Variants in TGFB1 observed in about 807,000 individuals in gnomAD.
TGFB1 encodes the protein transforming growth factor beta 1, also known as transforming growth factor beta-1 proprotein.
In TGFB1, 19 loss-of-function variants were observed where a neutral mutation model predicts 43.8. That is an observed-to-expected ratio of 0.43 (90% CI 0.30 to 0.64). TGFB1 has a LOEUF of 0.64. Ranked by LOEUF, TGFB1 falls within the 30% of genes least tolerant of loss-of-function variation. The probability of loss-of-function intolerance (pLI) is 0.11; values close to 1 mark genes in which losing one functional copy is unlikely to be tolerated. For synonymous variants in TGFB1, 221 were observed against 236.3 expected (o/e 0.94, Z 0.60); for missense variants, 445 against 529.8 (o/e 0.84, Z 1.57).
At chr19:41,351,715 T>G (rs557808291) in intron 1 of TGFB1, among the ~76,000 whole-genome samples, 2 of 152,164 alleles carry the variant, frequency 1.3e-5, no homozygotes, top group South Asian at 2.1e-4. Flanking sequence ...CTTGGTTTTC[T>G]CACCTCGGTC....
chr19:41,352,355 A>AT (rs1024527845), intron 1 of TGFB1, among the ~76,000 whole-genome samples: 2 of 13,160 alleles, frequency 1.5e-4, no homozygotes, highest in African/African-American at 6.1e-4. Context: ...CCCCCCCCCC[A>AT]TTCAACGCGT....
At chr19:41,346,242 C>T (rs1006419055) in intron 2 of TGFB1, among the ~76,000 whole-genome samples, 7 of 152,060 alleles carry the variant, frequency 4.6e-5, no homozygotes, top group African/African-American at 7.2e-5. Flanking sequence ...CCCAGCTGCT[C>T]GGGTGGCTGA....
At chr19:41,335,226 G>T (rs942769187) in intron 5 of TGFB1, among the ~76,000 whole-genome samples, 2 of 152,006 alleles carry the variant, frequency 1.3e-5, no homozygotes, top group Middle Eastern at 3.4e-3. Flanking sequence ...CTAATTTTTT[G>T]TATTTTTAGT....
intron 3 of TGFB1, among the ~76,000 whole-genome samples, chr19:41,344,306 C>T (rs1267876381): frequency 1.3e-5 from 2 of 151,992 alleles, no homozygotes; most frequent in African/African-American, 4.8e-5. Flanking sequence ...TTACACCTCT[C>T]CTTTTCCTGA....
At chr19:41,331,345 C>A in intron 6 of TGFB1, 135 bp from the exon 7 acceptor site, 3 of 1,064,078 alleles carry the variant, frequency 2.8e-6, no homozygotes, top group Non-Finnish European at 3.9e-6. Flanking sequence ...TTCCCATCTC[C>A]AATTCGGTCT....
chr19:41,343,026 G>A (rs1173708919), intron 3 of TGFB1, among the ~76,000 whole-genome samples: 1 of 152,140 alleles, frequency 6.6e-6, no homozygotes. Flanking sequence ...TGTGTGCTTG[G>A]GACTCAGCAT....
rs149455461 is a variant in TGFB1, at chr19:41,352,823, G to C, written c.222C>G (p.Pro74=). Residue 74 remains proline (P), a synonymous_variant, in exon 1 of 7, where the codon CCC becomes CCG. Transcript: ENST00000221930. ...SQGEVPPGPL[P]EAVLALYNST... is the part of the protein sequence containing the mutation. Reference sequence around the variant, plus strand: ...TGTTGTACAGGGCGAGCACGGCCTCGGGCAGCGGGCCGGGCGGCACCTCCC... The same window carrying C: ...TGTTGTACAGGGCGAGCACGGCCTCCGGCAGCGGGCCGGGCGGCACCTCCC... 3 of 1,591,486 alleles carry C rather than the reference G, an allele frequency of 1.9e-6. No individual in the cohort carries two copies. Among genetic ancestry groups the C allele is most frequent in the Admixed American group, 1.8e-5 (1 of 56,052 alleles).
At chr19:41,332,718 A>ACT (rs2037947319) in intron 5 of TGFB1, among the ~76,000 whole-genome samples, 1 of 152,188 alleles carries the variant, frequency 6.6e-6, no homozygotes, top group Admixed American at 6.5e-5. Context: ...AACAGATAGA[A>ACT]ATAGGCTAGG....
rs958616062 is a variant in TGFB1 at position 41,338,199 on chromosome 19, AAAAC to A, written c.860+3680_860+3683del. ...ACAGCTAGACTCTGTCTCAAAAAAA[AAAAC>A]AAAGAATACGGCCGGGTGCGTGGCT... is the stretch of plus-strand genomic sequence containing the variant. On this transcript the variant is annotated intron_variant, in intron 5 of 6. Transcript: ENST00000221930. Among the ~76,000 whole-genome samples the A allele has an allele frequency of 5.9e-5, 9 of 151,458 alleles. No individual in the cohort carries two copies. In the South Asian group the frequency reaches 8.3e-4, roughly 14 times the overall value.
chr19:41,331,274 C>T, intron 6 of TGFB1, 64 bp from the exon 7 acceptor site: 1 of 1,433,318 alleles, frequency 7.0e-7, no homozygotes, highest in Non-Finnish European at 9.1e-7. Flanking sequence ...CCCTCCACTG[C>T]CCCATCCCCC....
intron 5 of TGFB1, among the ~76,000 whole-genome samples, chr19:41,338,603 C>T (rs540278921): frequency 6.6e-6 from 1 of 151,846 alleles, no homozygotes; most frequent in Admixed American, 6.6e-5. Context: ...CTTTGGGAGG[C>T]TGAGGTGGGC....
At chr19:41,333,665 C>G (rs937545069) in intron 5 of TGFB1, among the ~76,000 whole-genome samples, 4 of 152,176 alleles carry the variant, frequency 2.6e-5, no homozygotes, top group African/African-American at 9.7e-5. Flanking sequence ...GGCCCCTTCA[C>G]TTCATTTAAA....
At chr19:41,348,633 T>A (rs913902935) in intron 1 of TGFB1, among the ~76,000 whole-genome samples, 178 bp from the exon 2 acceptor site, 3 of 150,388 alleles carry the variant, frequency 2.0e-5, no homozygotes, top group Non-Finnish European at 4.4e-5. Flanking sequence ...GAATTTTTTT[T>A]TTTTTTTGAG....
rs530855569 is a variant in TGFB1 at position 41,350,777 on chromosome 19, T to G, written c.355+1913A>C. On this transcript the variant is annotated intron_variant, in intron 1 of 6. Coordinates refer to ENST00000221930, the MANE Select transcript of TGFB1 (RefSeq NM_000660.7). Reference sequence around the variant, plus strand: ...CCCCTACGGCCCCCTTCGATCCTCCTCCTCCTCCCCAGTCTCCCTCCCCAC... The same window carrying G: ...CCCCTACGGCCCCCTTCGATCCTCCGCCTCCTCCCCAGTCTCCCTCCCCAC... 7 of 152,336 alleles carry G rather than the reference T, an allele frequency of 4.6e-5. No homozygotes were observed. In the East Asian group the frequency reaches 1.2e-3, roughly 25 times the overall value. The allele number at this position is 152,336 out of a possible 1,614,324, so 9.4% of individuals were successfully genotyped here.
intron 2 of TGFB1, among the ~76,000 whole-genome samples, chr19:41,345,962 C>T (rs2038112081): frequency 1.3e-5 from 2 of 152,160 alleles, no homozygotes; most frequent in South Asian, 4.2e-4. Flanking sequence ...ATTTCCACTT[C>T]TAGAGCCTGA....
chr19:41,331,294 C>T (rs2037927794), intron 6 of TGFB1, 84 bp from the exon 7 acceptor site: 1 of 1,407,402 alleles, frequency 7.1e-7, no homozygotes, highest in Non-Finnish European at 9.3e-7. Flanking sequence ...CACCCGCTAC[C>T]GCGCCAGCCT....
At chr19:41,337,666 G>C (rs566297116) in intron 5 of TGFB1, among the ~76,000 whole-genome samples, 8 of 152,062 alleles carry the variant, frequency 5.3e-5, no homozygotes, top group African/African-American at 1.9e-4. Flanking sequence ...ACTGACCCTT[G>C]GACATGGGTT....
intron 2 of TGFB1, among the ~76,000 whole-genome samples, chr19:41,346,664 G>T (rs2038119444): frequency 6.6e-6 from 1 of 152,170 alleles, no homozygotes; most frequent in Non-Finnish European, 1.5e-5. Context: ...CAAAATAGTA[G>T]CTGCTAACCA....
chr19:41,348,144 AAGC>A, intron 2 of TGFB1, 148 bp downstream of exon 2: 2 of 896,716 alleles, frequency 2.2e-6, no homozygotes, highest in Non-Finnish European at 3.5e-6. Context: ...AAAAAAAAAA[AAGC>A]GTTCTAGGAT....
Sources: allele counts gnomAD v4.1 joint callset (sites outside exome capture counted in the v4.1 genomes callset), GRCh38; gene constraint gnomAD v4.1.1; transcripts MANE v1.5; gene names NCBI Gene and HGNC (gene_info 2026-07-23, HGNC 2026-07-21).